TPST1: variants seen among roughly 807,000 people sequenced by gnomAD.
TPST1 encodes tyrosylprotein sulfotransferase 1.
In TPST1, 20 loss-of-function variants were observed where a neutral mutation model predicts 34.8. The observed-to-expected ratio is 0.57, with a 90% CI of 0.40 to 0.84. The LOEUF (loss-of-function observed/expected upper bound fraction) is 0.84, where lower values mean the gene tolerates loss of function less well. TPST1 is among the 40% of genes least tolerant of loss of function. The pLI is 0.00. For missense variants in TPST1, 353 were observed against 455.5 expected, an observed-to-expected ratio of 0.78 and a Z score of 2.05; for synonymous variants, 152 against 159.4, an observed-to-expected ratio of 0.95 and a Z score of 0.35.
At chr7:66,218,367 C>G (rs943626324) in intron 1 of TPST1, among the ~76,000 whole-genome samples, 1 of 152,154 alleles carries the variant, frequency 6.6e-6, no homozygotes, top group Non-Finnish European at 1.5e-5. Flanking sequence ...TCTTTGAAGG[C>G]AGATGATAAA....
At position 66,216,492 on chromosome 7, in the gene TPST1, C is replaced by T. The variant is rs368785469; in HGVS notation, c.-102+10970C>T. ...CTCTTTTTCTTTTTTTTTTTTGAGA[C>T]GGAGTCTTGCTCTGTCGCCCAGGCT... On this transcript the variant is annotated intron_variant, in intron 1 of 5. Transcript: ENST00000304842. Among the ~76,000 whole-genome samples the T allele has an allele frequency of 4.8e-5, 7 of 145,996 alleles. No individual in the cohort carries two copies. In the East Asian group the frequency reaches 1.0e-3, roughly 21 times the overall value.
intron 2 of TPST1, among the ~76,000 whole-genome samples, chr7:66,250,658 A>C (rs1323353865): frequency 6.6e-6 from 1 of 152,188 alleles, no homozygotes; most frequent in Non-Finnish European, 1.5e-5. Flanking sequence ...ACCGAGCCCT[A>C]TATATACTAT....
intron 1 of TPST1, among the ~76,000 whole-genome samples, chr7:66,223,923 T>C (rs1433482384): frequency 6.6e-6 from 1 of 152,216 alleles, no homozygotes; most frequent in Non-Finnish European, 1.5e-5. Context: ...TTTGCTTTAG[T>C]TTAACTTGTG....
At chr7:66,227,115 C>T (rs938643237) in intron 1 of TPST1, among the ~76,000 whole-genome samples, 3 of 137,114 alleles carry the variant, frequency 2.2e-5, no homozygotes, top group African/African-American at 8.1e-5. Context: ...CTCACTGCAA[C>T]CTCCGCCTCC....
intron 1 of TPST1, among the ~76,000 whole-genome samples, chr7:66,216,654 G>A (rs1454574842): frequency 1.3e-5 from 2 of 152,084 alleles, no homozygotes; most frequent in Non-Finnish European, 2.9e-5. Flanking sequence ...ATTTTTAGTA[G>A]AGACGAAGTT....
At chr7:66,213,665 A>G (rs1224324705) in intron 1 of TPST1, among the ~76,000 whole-genome samples, 2 of 151,134 alleles carry the variant, frequency 1.3e-5, no homozygotes, top group Non-Finnish European at 1.5e-5. Flanking sequence ...TGAGGCGCGA[A>G]CCCAGGAGGC....
intron 1 of TPST1, among the ~76,000 whole-genome samples, chr7:66,236,283 G>A (rs150056263): frequency 4.6e-5 from 7 of 152,168 alleles, no homozygotes; most frequent in African/African-American, 1.4e-4. Context: ...TTCAGTTTTA[G>A]AACAGTTCAG....
chr7:66,305,139 T>G (rs1036906244), intron 3 of TPST1, among the ~76,000 whole-genome samples: 18 of 152,070 alleles, frequency 1.2e-4, no homozygotes, highest in Admixed American at 1.1e-3. Context: ...CACCTTATAT[T>G]AGAGAGTATT....
chr7:66,303,917 A>G (rs1031883042), intron 3 of TPST1, among the ~76,000 whole-genome samples: 14 of 152,172 alleles, frequency 9.2e-5, no homozygotes, highest in African/African-American at 2.9e-4. Context: ...AGGCTCTTGG[A>G]GTTACGGCTC....
At chr7:66,296,900 C>T (rs1791213689) in intron 3 of TPST1, among the ~76,000 whole-genome samples, 2 of 152,064 alleles carry the variant, frequency 1.3e-5, no homozygotes, top group Admixed American at 1.3e-4. Context: ...ATGGTGCTGT[C>T]TAGGTTACAT....
At position 66,340,746 on chromosome 7, in the gene TPST1, T is replaced by C. The variant is rs549655139; in HGVS notation, c.1045-11759T>C. On this transcript the variant is annotated intron_variant, in intron 3 of 5. Coordinates refer to ENST00000304842, the MANE Select transcript of TPST1 (RefSeq NM_003596.4). ...CTGATGACAGAAATTGAAGAGGACA[T>C]ATAGAAAATGAAAAGATACTTCATA... 6.8e-4 allele frequency among the ~76,000 whole-genome samples: 103 copies of C among 152,264 alleles called. 1 individual carries two copies. The highest frequency in any genetic ancestry group is 2.5e-3 in the African/African-American group (102 of 41,544).
chr7:66,313,534 T>A (rs1295244571), intron 3 of TPST1, among the ~76,000 whole-genome samples: 1 of 152,204 alleles, frequency 6.6e-6, no homozygotes, highest in Non-Finnish European at 1.5e-5. Flanking sequence ...GCTTATGTGG[T>A]CTTTGAACTC....
At chr7:66,352,092 C>T (rs1792490985) in intron 3 of TPST1, among the ~76,000 whole-genome samples, 1 of 152,062 alleles carries the variant, frequency 6.6e-6, no homozygotes, top group Non-Finnish European at 1.5e-5. Flanking sequence ...GGATTAAATC[C>T]AGGGTTGTAT....
upstream of TPST1, among the ~76,000 whole-genome samples, chr7:66,200,480 C>A (rs1235367750): frequency 2.0e-5 from 2 of 99,956 alleles, no homozygotes; most frequent in African/African-American, 8.8e-5. Context: ...AGTGCAGTGG[C>A]GCAATCTCGG....
At chr7:66,331,040 C>G (rs1316382574) in intron 3 of TPST1, among the ~76,000 whole-genome samples, 4 of 152,184 alleles carry the variant, frequency 2.6e-5, no homozygotes, top group African/African-American at 9.7e-5. Flanking sequence ...ATCCAAGGCT[C>G]AGCTGGGAGA....
intron 1 of TPST1, among the ~76,000 whole-genome samples, chr7:66,232,842 T>C (rs1789826911): frequency 6.6e-6 from 1 of 152,176 alleles, no homozygotes; most frequent in African/African-American, 2.4e-5. Flanking sequence ...TTCAGCACTG[T>C]ATGAGGGTTC....
chr7:66,253,897 C>T (rs1790325429), intron 2 of TPST1, among the ~76,000 whole-genome samples: 1 of 149,622 alleles, frequency 6.7e-6, no homozygotes, highest in South Asian at 2.1e-4. Flanking sequence ...ATTAGCTGGG[C>T]ATGGTAGCGG....
intron 2 of TPST1, among the ~76,000 whole-genome samples, chr7:66,286,272 CAT>C (rs1365017373): frequency 2.0e-5 from 3 of 152,058 alleles, no homozygotes; most frequent in Non-Finnish European, 2.9e-5. Flanking sequence ...TAATAATGCA[CAT>C]GTTTCAGCTA....
At chr7:66,278,256 A>T (rs1790859885) in intron 2 of TPST1, among the ~76,000 whole-genome samples, 1 of 151,974 alleles carries the variant, frequency 6.6e-6, no homozygotes, top group African/African-American at 2.4e-5. Context: ...ATTTGATGTG[A>T]AGTATGAGAG....
Sources: gnomAD v4.1 joint callset for allele counts (sites outside exome capture counted in the v4.1 genomes callset) on GRCh38, gnomAD v4.1.1 for gene constraint, MANE v1.5 for transcripts, NCBI Gene and HGNC (gene_info 2026-07-23, HGNC 2026-07-21) for gene names.